The following SOX6 variants were observed in gnomAD, a reference collection of about 807,000 sequenced individuals.
SOX6 encodes SRY-box transcription factor 6.
Under a neutral mutation model 97.8 loss-of-function variants are expected in SOX6, and 11 were observed. The ratio of observed to expected loss-of-function variants is 0.11; its 90% confidence interval spans 0.07 to 0.19. SOX6 has a LOEUF of 0.19. Among genes scored for constraint, SOX6 ranks in the 10% least tolerant of loss-of-function variants. The pLI, the probability that SOX6 is intolerant of heterozygous loss-of-function variation, is 1.00. For synonymous variants in SOX6, 360 were observed against 371.4 expected (o/e 0.97, Z 0.35); for missense variants, 810 against 1,039.5 (o/e 0.78, Z 3.04).
At chr11:16,660,753 G>A (rs966472678) in intron 3 of SOX6, among the ~76,000 whole-genome samples, 24 of 152,270 alleles carry the variant, frequency 1.6e-4, no homozygotes, top group African/African-American at 4.6e-4. Flanking sequence ...CCAGACAGCC[G>A]CCTTGCCCTT....
chr11:16,579,312 C>A (rs35925952), intron 4 of SOX6, among the ~76,000 whole-genome samples: 22,666 of 151,584 alleles, frequency 0.15, 1,770 homozygotes, highest in Non-Finnish European at 0.16. Flanking sequence ...GTGAAATGCA[C>A]TAATCCTAAA....
At chr11:16,600,641 G>T (rs1304728867) in intron 4 of SOX6, among the ~76,000 whole-genome samples, 1 of 152,092 alleles carries the variant, frequency 6.6e-6, no homozygotes, top group Admixed American at 6.5e-5. Flanking sequence ...CTTAAAAATT[G>T]AAAAGCTCTA....
chr11:16,524,138 A>G (rs529175758), intron 4 of SOX6, among the ~76,000 whole-genome samples: 2 of 152,350 alleles, frequency 1.3e-5, no homozygotes, highest in Admixed American at 1.3e-4. Flanking sequence ...TGAGGACAGC[A>G]TCATCCTGAT....
intron 13 of SOX6, among the ~76,000 whole-genome samples, chr11:15,999,833 T>A (rs1854348610): frequency 1.3e-5 from 2 of 152,172 alleles, no homozygotes; most frequent in African/African-American, 4.8e-5. Context: ...AATAGTTGAT[T>A]TTCTCCTGTG....
At chr11:16,058,341 T>C (rs1757029617) in intron 9 of SOX6, among the ~76,000 whole-genome samples, 1 of 152,068 alleles carries the variant, frequency 6.6e-6, no homozygotes, top group Admixed American at 6.6e-5. Flanking sequence ...TTTAATGTTT[T>C]CTGTTCTCTG....
At chr11:16,125,868 AAGG>A (rs763580722) in intron 6 of SOX6, among the ~76,000 whole-genome samples, 155 of 150,478 alleles carry the variant, frequency 1.0e-3, no homozygotes, top group Non-Finnish European at 1.8e-3. Context: ...GGAAGGAAGG[AAGG>A]AAGGAAAGTT....
chr11:16,625,563 G>A (rs1848612703), intron 3 of SOX6, among the ~76,000 whole-genome samples: 1 of 152,200 alleles, frequency 6.6e-6, no homozygotes, highest in Admixed American at 6.5e-5. Context: ...GGTGACTCCT[G>A]ATGGGCTCCT....
chr11:16,667,949 A>C (rs1463493235), intron 3 of SOX6, among the ~76,000 whole-genome samples: 1 of 152,270 alleles, frequency 6.6e-6, no homozygotes, highest in Non-Finnish European at 1.5e-5. Context: ...GGATGAAGTT[A>C]AAGTGTAATG....
At chr11:16,173,696 AAAG>A (rs1851102872) in intron 6 of SOX6, among the ~76,000 whole-genome samples, 1 of 151,376 alleles carries the variant, frequency 6.6e-6, no homozygotes, top group South Asian at 2.1e-4. Flanking sequence ...AATTACTAGA[AAAG>A]AAGTTTTAAA....
At chr11:16,180,663 C>T (rs1040857321) in intron 6 of SOX6, among the ~76,000 whole-genome samples, 1 of 151,442 alleles carries the variant, frequency 6.6e-6, no homozygotes, top group African/African-American at 2.4e-5. Flanking sequence ...AATTATTATC[C>T]TGATTTATTA....
At chr11:16,068,073 T>C (rs1423532999) in intron 9 of SOX6, among the ~76,000 whole-genome samples, 1 of 152,068 alleles carries the variant, frequency 6.6e-6, no homozygotes, top group Non-Finnish European at 1.5e-5. Flanking sequence ...AAGGGGACAA[T>C]AGAAGTTGGA....
At chr11:16,143,185 G>T (rs1245774026) in intron 6 of SOX6, among the ~76,000 whole-genome samples, 6 of 152,188 alleles carry the variant, frequency 3.9e-5, no homozygotes, top group African/African-American at 9.7e-5. Flanking sequence ...GAATAGAGTG[G>T]GGGCCAATAT....
intron 7 of SOX6, among the ~76,000 whole-genome samples, chr11:16,110,004 G>C (rs967275401): frequency 6.6e-6 from 1 of 152,038 alleles, no homozygotes; most frequent in African/African-American, 2.4e-5. Flanking sequence ...CAATTTCTCT[G>C]TTTTTCTCAG....
chr11:16,223,572 C>G (rs1852604990), intron 4 of SOX6, among the ~76,000 whole-genome samples: 1 of 152,040 alleles, frequency 6.6e-6, no homozygotes, highest in Non-Finnish European at 1.5e-5. Context: ...TGGCTGTCTT[C>G]AGTTCTGGGT....
chr11:16,652,857 C>A (rs888774186), intron 3 of SOX6, among the ~76,000 whole-genome samples: 1 of 152,124 alleles, frequency 6.6e-6, no homozygotes, highest in Admixed American at 6.5e-5. Flanking sequence ...TATTCACAAA[C>A]TATGCATCCA....
At chr11:16,392,898 A>C (rs531472406) in intron 1 of SOX6, among the ~76,000 whole-genome samples, 4 of 152,276 alleles carry the variant, frequency 2.6e-5, no homozygotes, top group Admixed American at 2.6e-4. Flanking sequence ...TGTCTTAGCC[A>C]AGTGACTCAC....
At chr11:16,198,203 G>GTTT (rs1452743400) in intron 4 of SOX6, among the ~76,000 whole-genome samples, 3 of 148,332 alleles carry the variant, frequency 2.0e-5, no homozygotes, top group Non-Finnish European at 4.4e-5. Context: ...ACAGGCGCCT[G>GTTT]CCACCACGCC....
intron 3 of SOX6, among the ~76,000 whole-genome samples, chr11:16,299,812 G>A (rs541281703): frequency 3.3e-5 from 5 of 152,102 alleles, no homozygotes; most frequent in South Asian, 4.2e-4. Context: ...AGAAAGGGGG[G>A]AGATATCCAC....
At chr11:16,663,975 G>A (rs1432570777) in intron 3 of SOX6, among the ~76,000 whole-genome samples, 1 of 152,078 alleles carries the variant, frequency 6.6e-6, no homozygotes, top group Non-Finnish European at 1.5e-5. Flanking sequence ...AGCAAAATGG[G>A]TGAATAGAAG....
Sources: allele counts gnomAD v4.1 joint callset (sites outside exome capture counted in the v4.1 genomes callset), GRCh38; gene constraint gnomAD v4.1.1; transcripts MANE v1.5; gene names NCBI Gene and HGNC (gene_info 2026-07-23, HGNC 2026-07-21).